POFUT3: variants seen among roughly 807,000 people sequenced by gnomAD.
POFUT3 encodes protein O-fucosyltransferase 3, also known as GDP-fucose protein O-fucosyltransferase 3.
chr8:33,414,639 T>G, the POFUT3 span, among the ~76,000 whole-genome samples: 3 of 152,176 alleles, frequency 2.0e-5, no homozygotes, highest in Non-Finnish European at 4.4e-5. Context: ...AAACCCTCAG[T>G]GAGCAGAGAG....
At chr8:33,411,555 G>A in the POFUT3 span, among the ~76,000 whole-genome samples, 9 of 152,148 alleles carry the variant, frequency 5.9e-5, no homozygotes, top group African/African-American at 1.7e-4. Flanking sequence ...TTGGGAGGCC[G>A]AGGTGGGCAA....
chr8:33,442,430 G>A, the POFUT3 span, among the ~76,000 whole-genome samples: 1 of 151,980 alleles, frequency 6.6e-6, no homozygotes, highest in Admixed American at 6.6e-5. Context: ...TGGGACTACA[G>A]GCGCCTGCCA....
chr8:33,417,793 G>C, the POFUT3 span, among the ~76,000 whole-genome samples: 1 of 152,046 alleles, frequency 6.6e-6, no homozygotes, highest in African/African-American at 2.4e-5. Flanking sequence ...AGAAGTGACA[G>C]GAAACGTCTA....
chr8:33,421,289 T>A, the POFUT3 span, among the ~76,000 whole-genome samples: 136 of 152,320 alleles, frequency 8.9e-4, 1 homozygote, highest in African/African-American at 2.9e-3. Flanking sequence ...TGCAAGGTTT[T>A]GCTATATGCA....
At chr8:33,369,139 T>C in the POFUT3 span, among the ~76,000 whole-genome samples, 1 of 152,162 alleles carries the variant, frequency 6.6e-6, no homozygotes, top group Non-Finnish European at 1.5e-5. Flanking sequence ...CTGTAACCAC[T>C]ACAACAAGCA....
At chr8:33,393,041 GA>G in the POFUT3 span, among the ~76,000 whole-genome samples, 7 of 152,186 alleles carry the variant, frequency 4.6e-5, no homozygotes, top group African/African-American at 1.7e-4. Flanking sequence ...CTTCACTGGG[GA>G]TATCATGGCC....
the POFUT3 span, among the ~76,000 whole-genome samples, chr8:33,378,315 T>C: frequency 6.6e-6 from 1 of 152,202 alleles, no homozygotes; most frequent in South Asian, 2.1e-4. Flanking sequence ...GGGAAAAATC[T>C]ATTACTTCTT....
chr8:33,318,173 A>G, the POFUT3 span, among the ~76,000 whole-genome samples: 20 of 151,922 alleles, frequency 1.3e-4, no homozygotes, highest in Non-Finnish European at 2.8e-4. Flanking sequence ...AGAATTCCAT[A>G]GTGCAGCAAA....
At chr8:33,389,422 G>T in the POFUT3 span, 2 of 1,614,178 alleles carry the variant, frequency 1.2e-6, no homozygotes, top group Non-Finnish European at 1.7e-6. Flanking sequence ...GCTGAGGGAG[G>T]TCTTTGTTTC....
the POFUT3 span, chr8:33,389,499 C>G: frequency 6.2e-7 from 1 of 1,614,204 alleles, no homozygotes; most frequent in African/African-American, 1.3e-5. Context: ...CTGTCCCTGT[C>G]TGATGGTGGG....
At chr8:33,439,280 G>A in the POFUT3 span, among the ~76,000 whole-genome samples, 2 of 152,018 alleles carry the variant, frequency 1.3e-5, no homozygotes, top group Non-Finnish European at 2.9e-5. Flanking sequence ...GCGTGTGCCT[G>A]TAATCCCAGC....
At chr8:33,399,219 A>C in the POFUT3 span, among the ~76,000 whole-genome samples, 1 of 152,258 alleles carries the variant, frequency 6.6e-6, no homozygotes, top group South Asian at 2.1e-4. Context: ...CATGTCAATT[A>C]GTTCAAAGGT....
At chr8:33,452,082 T>C in the POFUT3 span, 1 of 124,644 alleles carries the variant, frequency 8.0e-6, no homozygotes, top group Non-Finnish European at 1.7e-5. Context: ...TGTATATATG[T>C]GTATGTATAT....
At chr8:33,380,165 A>ATATATATATACTATATATATATACTG in the POFUT3 span, among the ~76,000 whole-genome samples, 2 of 47,568 alleles carry the variant, frequency 4.2e-5, no homozygotes, top group Non-Finnish European at 6.7e-5. Context: ...TATATATACT[A>ATATATATATACTATATATATATACTG]TATATATATA....
chr8:33,379,858 T>A, the POFUT3 span, among the ~76,000 whole-genome samples: 1 of 127,942 alleles, frequency 7.8e-6, no homozygotes, highest in African/African-American at 3.0e-5. Flanking sequence ...TATATATATA[T>A]ATATATAATA....
chr8:33,383,255 A>G, the POFUT3 span, among the ~76,000 whole-genome samples: 1 of 152,154 alleles, frequency 6.6e-6, no homozygotes, highest in Non-Finnish European at 1.5e-5. Context: ...CACAGCACAG[A>G]TGCCTCTGTT....
the POFUT3 span, among the ~76,000 whole-genome samples, chr8:33,365,400 T>C: frequency 4.6e-5 from 7 of 152,044 alleles, no homozygotes; most frequent in Admixed American, 2.0e-4. Context: ...AAAGCCAAAA[T>C]AGACAAATGG....
the POFUT3 span, among the ~76,000 whole-genome samples, chr8:33,462,260 C>A: frequency 1.5e-5 from 2 of 136,872 alleles, no homozygotes; most frequent in African/African-American, 2.7e-5. Flanking sequence ...TCAAATTCTG[C>A]TTCCACTTAA....
chr8:33,408,427 GA>G, the POFUT3 span, among the ~76,000 whole-genome samples: 5 of 151,986 alleles, frequency 3.3e-5, no homozygotes, highest in African/African-American at 1.2e-4. Flanking sequence ...GTTTACCACT[GA>G]AAAATCTCAT....
Sources: gnomAD v4.1 joint callset for allele counts (sites outside exome capture counted in the v4.1 genomes callset) on GRCh38, gnomAD v4.1.1 for gene constraint, MANE v1.5 for transcripts, NCBI Gene and HGNC (gene_info 2026-07-23, HGNC 2026-07-21) for gene names.